The following NTN4 variants were observed in gnomAD, a reference collection of about 807,000 sequenced individuals.
NTN4 encodes the protein netrin-4.
NTN4 carries 32 observed loss-of-function variants against 73.6 expected under a neutral mutation model. The ratio of observed to expected loss-of-function variants is 0.44; its 90% CI spans 0.33 to 0.58. The LOEUF is 0.58. NTN4 is among the 20% of genes least tolerant of loss of function. NTN4 has a pLI of 0.04. For missense variants in NTN4, 654 were observed against 798.3 expected, an observed-to-expected ratio of 0.82 and a Z score of 2.18; for synonymous variants, 258 against 287.5, an observed-to-expected ratio of 0.90 and a Z score of 1.04.
chr12:95,776,656 C>T (rs2079094866), intron 2 of NTN4, among the ~76,000 whole-genome samples: 1 of 152,102 alleles, frequency 6.6e-6, no homozygotes, highest in Non-Finnish European at 1.5e-5. Context: ...AAATATGGGA[C>T]TATGTGAAAA....
At chr12:95,702,842 GTT>G (rs36062868) in intron 5 of NTN4, among the ~76,000 whole-genome samples, 1 of 125,576 alleles carries the variant, frequency 8.0e-6, no homozygotes. Context: ...GTTTTCAATG[GTT>G]TTTTTTTTTT....
chr12:95,669,365 TA>T (rs562389440), intron 8 of NTN4, among the ~76,000 whole-genome samples: 296 of 152,302 alleles, frequency 1.9e-3, no homozygotes, highest in Non-Finnish European at 3.2e-3. Flanking sequence ...ATTTTCCTGT[TA>T]TTTGAAAGAT....
At chr12:95,770,943 C>CAA (rs2079052932) in intron 2 of NTN4, among the ~76,000 whole-genome samples, 2 of 150,596 alleles carry the variant, frequency 1.3e-5, no homozygotes. Context: ...GGGTGTTGTT[C>CAA]TGTTTTTGTT....
At chr12:95,672,481 C>T (rs761123360) in intron 7 of NTN4, 31 of 1,519,672 alleles carry the variant, frequency 2.0e-5, no homozygotes, top group Non-Finnish European at 2.6e-5. Context: ...CACCTCAGTG[C>T]AGAAGAGAGC....
chr12:95,713,379 G>T, intron 3 of NTN4, 41 bp from the exon 4 acceptor site: 1 of 1,517,686 alleles, frequency 6.6e-7, no homozygotes, highest in South Asian at 1.3e-5. Context: ...CACACATGTC[G>T]CCAAAGAAGA....
At chr12:95,731,251 C>T (rs948953511) in intron 3 of NTN4, among the ~76,000 whole-genome samples, 6 of 152,016 alleles carry the variant, frequency 3.9e-5, no homozygotes, top group African/African-American at 1.2e-4. Flanking sequence ...TGAAATAATG[C>T]AGAGGAAAGA....
chr12:95,709,706 T>C (rs566221478), intron 5 of NTN4, among the ~76,000 whole-genome samples: 43 of 152,200 alleles, frequency 2.8e-4, no homozygotes, highest in African/African-American at 1.9e-4. Flanking sequence ...GCTATTTTTG[T>C]AGTTTTTGTA....
chr12:95,676,130 G>A (rs879439989), intron 7 of NTN4, among the ~76,000 whole-genome samples: 1 of 152,028 alleles, frequency 6.6e-6, no homozygotes, highest in Admixed American at 6.6e-5. Context: ...TTGAGATGGA[G>A]TCTCCCTCTG....
intron 2 of NTN4, 39 bp from the exon 3 acceptor site, chr12:95,738,183 G>A (rs767450214): frequency 5.8e-6 from 9 of 1,557,070 alleles, no homozygotes; most frequent in African/African-American, 1.4e-5. Flanking sequence ...TTATAGGACT[G>A]TGCGCAAACC....
At chr12:95,733,177 TTA>T (rs1283044147) in intron 3 of NTN4, among the ~76,000 whole-genome samples, 1 of 152,234 alleles carries the variant, frequency 6.6e-6, no homozygotes, top group African/African-American at 2.4e-5. Context: ...ATATTCCCTC[TTA>T]TTACCATTCA....
intron 9 of NTN4, among the ~76,000 whole-genome samples, chr12:95,660,461 A>T (rs912680124): frequency 2.0e-5 from 3 of 152,158 alleles, no homozygotes; most frequent in African/African-American, 7.2e-5. Context: ...TAAAAAAAAA[A>T]CTAAATAAAT....
intron 5 of NTN4, among the ~76,000 whole-genome samples, chr12:95,690,507 A>G (rs2078394000): frequency 6.6e-6 from 1 of 152,126 alleles, no homozygotes; most frequent in Non-Finnish European, 1.5e-5. Context: ...TAAATTTCCT[A>G]ATTTTTTTCT....
At chr12:95,717,111 T>A (rs557720826) in intron 3 of NTN4, among the ~76,000 whole-genome samples, 1 of 152,228 alleles carries the variant, frequency 6.6e-6, no homozygotes, top group East Asian at 1.9e-4. Flanking sequence ...TGCCTGGCCC[T>A]CTTTTCCACT....
intron 9 of NTN4, 33 bp from the exon 10 acceptor site, chr12:95,659,255 A>G: frequency 6.5e-7 from 1 of 1,550,090 alleles, no homozygotes; most frequent in Non-Finnish European, 8.7e-7. Flanking sequence ...GCTATACAGT[A>G]TCATACTTTG....
chr12:95,701,235 C>T (rs2078482715), intron 5 of NTN4, among the ~76,000 whole-genome samples: 1 of 152,282 alleles, frequency 6.6e-6, no homozygotes, highest in Non-Finnish European at 1.5e-5. Context: ...ACTTTTTGAA[C>T]AGAGAGATGA....
intron 7 of NTN4, among the ~76,000 whole-genome samples, chr12:95,672,101 G>A (rs2078235660): frequency 6.6e-6 from 1 of 151,842 alleles, no homozygotes; most frequent in Non-Finnish European, 1.5e-5. Flanking sequence ...TGGGTGGACT[G>A]CTTGAGCCCA....
intron 5 of NTN4, among the ~76,000 whole-genome samples, chr12:95,687,685 G>A (rs2078372393): frequency 6.6e-6 from 1 of 152,210 alleles, no homozygotes; most frequent in Middle Eastern, 3.4e-3. Flanking sequence ...ACAGATGTGA[G>A]CCACCACGCC....
chr12:95,776,591 C>T (rs535817289), intron 2 of NTN4, among the ~76,000 whole-genome samples: 39 of 151,930 alleles, frequency 2.6e-4, no homozygotes, highest in Non-Finnish European at 5.1e-4. Flanking sequence ...TGAAATGAAG[C>T]GAGAAGAGAA....
intron 2 of NTN4, among the ~76,000 whole-genome samples, chr12:95,769,906 G>A (rs958351528): frequency 2.6e-5 from 4 of 151,888 alleles, no homozygotes; most frequent in Admixed American, 6.6e-5. Flanking sequence ...ATAAGCTTGC[G>A]CCACCACACC....
Sources: allele counts gnomAD v4.1 joint callset (sites outside exome capture counted in the v4.1 genomes callset), GRCh38; gene constraint gnomAD v4.1.1; transcripts MANE v1.5; gene names NCBI Gene and HGNC (gene_info 2026-07-23, HGNC 2026-07-21).